The following MASP2 variants were observed in gnomAD, a reference collection of about 807,000 sequenced individuals.
MASP2 encodes mannan-binding lectin serine protease 2.
In MASP2, 49 loss-of-function variants were observed where a neutral mutation model predicts 57.1. That is an observed-to-expected ratio of 0.86 (90% CI 0.68 to 1.09). MASP2 has a LOEUF of 1.09. Among genes scored for constraint, MASP2 ranks in the 50% least tolerant of loss-of-function variants. MASP2 has a pLI of 0.00. For synonymous variants in MASP2, 379 were observed against 340.8 expected (o/e 1.11, Z -1.24); for missense variants, 900 against 874.8 (o/e 1.03, Z -0.36).
Position 11,046,960 on chromosome 1 carries a change from G to A in MASP2, c.165C>T (p.Tyr55=), listed in dbSNP as rs1460922742. ...AGTGGGTGAAGTAGAGGCGCAGGCG[G>A]TAGCCGGGGGGTGCAGTCAGGGTCC... ...RRWTLTAPPG[Y]RLRLYFTHFD... The change falls in exon 2 of 11, where the codon TAC becomes TAT. Residue 55 remains tyrosine (Y), a synonymous_variant. Coordinates refer to ENST00000400897, the MANE Select transcript of MASP2 (RefSeq NM_006610.4). The A allele has an allele frequency of 8.9e-6, 14 of 1,565,120 alleles. No individual in the cohort carries two copies. Among genetic ancestry groups the A allele is most frequent in the Non-Finnish European group, 1.0e-5 (12 of 1,154,534 alleles).
In MASP2 at chr1:11,026,877, C is replaced by G. The variant is rs748635006; in HGVS notation, c.*8G>C. On this transcript the variant is annotated 3_prime_UTR_variant, in exon 11 of 11. Transcript: ENST00000400897. ...AAAATGAAGAATCCTTGACTGCAGA[C>G]ACGCAAGTTAAAAATCACTAATTAT... 1 of 1,473,820 alleles carries G rather than the reference C, an allele frequency of 6.8e-7. No individual in the cohort carries two copies. The highest frequency in any genetic ancestry group is 1.5e-5 in the South Asian group (1 of 65,798). The allele number at this position is 1,473,820 out of a possible 1,614,324, so 91.3% of individuals were successfully genotyped here. A position where few individuals can be genotyped will look rare whatever the true frequency, so the allele number is the denominator to read the frequency against.
At chr1:11,031,914 C>T (rs958033185) in intron 8 of MASP2, among the ~76,000 whole-genome samples, 3 of 151,980 alleles carry the variant, frequency 2.0e-5, no homozygotes, top group Admixed American at 2.0e-4. Context: ...GTCTCCAAAA[C>T]AAAAAATTCA....
intron 10 of MASP2, among the ~76,000 whole-genome samples, chr1:11,028,802 C>T (rs377076772): frequency 2.0e-5 from 3 of 150,890 alleles, no homozygotes; most frequent in African/African-American, 4.9e-5. Flanking sequence ...CAAGCTCTGC[C>T]TCCCAGGTTC....
chr1:11,047,188 T>C lies in MASP2; in HGVS notation c.5+15A>G. ...CACCCCACACCCTGCAGGGAGGCTG[T>C]GGGCGCCCACCTACCTCATGGTGTG... On this transcript the variant is annotated intron_variant, in intron 1 of 10. Transcript: ENST00000400897. 1 of 1,561,238 alleles carries C rather than the reference T, an allele frequency of 6.4e-7. No homozygotes were observed. Among genetic ancestry groups the C allele is most frequent in the Non-Finnish European group, 8.7e-7 (1 of 1,154,930 alleles).
chr1:11,029,466 T>C (rs781682055), intron 10 of MASP2, among the ~76,000 whole-genome samples: 13 of 151,674 alleles, frequency 8.6e-5, no homozygotes, highest in Non-Finnish European at 1.5e-4. Context: ...AAAAAAAAAG[T>C]ACTATTAAAA....
intron 10 of MASP2, chr1:11,029,879 C>G (rs1643812923): frequency 1.5e-5 from 3 of 199,924 alleles, no homozygotes; most frequent in Non-Finnish European, 2.0e-5. Flanking sequence ...CTGCCTCGGC[C>G]TCCCAAAGTG....
At chr1:11,033,941 ACACACACACACACACACACACACACTCT>A (rs1321080334) in intron 8 of MASP2, among the ~76,000 whole-genome samples, 28 of 45,576 alleles carry the variant, frequency 6.1e-4, no homozygotes, top group Admixed American at 5.7e-3. Flanking sequence ...ACACACACAC[ACACACACACACACACACACACACACTCT>A]CTCTCTCTCT....
intron 9 of MASP2, 167 bp downstream of exon 9, chr1:11,030,581 T>G (rs1643827382): frequency 2.8e-6 from 2 of 722,278 alleles, no homozygotes; most frequent in Non-Finnish European, 4.3e-6. Flanking sequence ...TTTTGCAAAT[T>G]GACATTAAAG....
chr1:11,043,639 G>GCAGA, intron 4 of MASP2, 104 bp from the exon 5 acceptor site: 1 of 792,236 alleles, frequency 1.3e-6, no homozygotes, highest in Non-Finnish European at 2.0e-6. Flanking sequence ...GGACAGGGAT[G>GCAGA]TGGCTGGGAC....
chr1:11,044,771 C>CCAA, intron 4 of MASP2: 1 of 1,152,852 alleles, frequency 8.7e-7, no homozygotes, highest in Non-Finnish European at 1.2e-6. Flanking sequence ...TCCCGACCCT[C>CCAA]CCACCCCAGA....
chr1:11,027,211 C>G lies in MASP2; in HGVS notation c.1735G>C (p.Gly579Arg). The G allele has an allele frequency of 6.2e-7, 1 of 1,614,058 alleles. No homozygotes were observed. Residue 579 changes from glycine (G) to arginine (R), a missense_variant, in exon 11 of 11, where the codon GGT becomes CGT. Transcript: ENST00000400897. ...TASGWGLTQR[G>R]FLARNLMYVD... ...TACATTAGATTTCTAGCAAGAAAACCCCTTTGGGTTAATCCCCATCCAGAT... is the reference window on the plus strand; with the variant it reads ...TACATTAGATTTCTAGCAAGAAAACGCCTTTGGGTTAATCCCCATCCAGAT...
chr1:11,036,509 TCAAAAAAAAAAAAAAAAAAAAAAAAAAA>T (rs1638235784), intron 7 of MASP2, among the ~76,000 whole-genome samples: 1 of 13,072 alleles, frequency 7.6e-5, no homozygotes, highest in South Asian at 5.3e-3. Flanking sequence ...AGACTCCGTC[TCAAAAAAAAAAAAAAAAAAAAAAAAAAA>T]CAAAAAAAAA....
chr1:11,045,332 G>A, intron 4 of MASP2, 76 bp downstream of exon 4: 1 of 1,601,938 alleles, frequency 6.2e-7, no homozygotes, highest in Non-Finnish European at 8.5e-7. Flanking sequence ...GCACCCCTGG[G>A]CAGAGCAGCA....
rs1643875569 is a variant in MASP2, at chr1:11,034,738, A to C, written c.1087+90T>G. 4.6e-6 allele frequency: 4 copies of C among 864,458 alleles called. No individual in the cohort carries two copies. In the East Asian group the frequency reaches 1.1e-4, roughly 24 times the overall value. 53.5% of individuals were successfully genotyped at this position (864,458 alleles called of 1,614,324 possible). A position where few individuals can be genotyped will look rare whatever the true frequency, so the allele number is the denominator to read the frequency against. ...AAGGGAAAGAAAAAAGAAAGTAAAC[A>C]GAAAACCAGAGAAGCAATAGAAGCA... On this transcript the variant is annotated intron_variant, in intron 8 of 10. Coordinates refer to ENST00000400897, the MANE Select transcript of MASP2 (RefSeq NM_006610.4).
chr1:11,043,925 G>C (rs748938100), intron 4 of MASP2, among the ~76,000 whole-genome samples: 6 of 147,832 alleles, frequency 4.1e-5, no homozygotes, highest in Non-Finnish European at 6.0e-5. Flanking sequence ...GGGGGGCGGG[G>C]GTGGATGGAC....
rs1484823398 is a variant in MASP2, at chr1:11,046,718, T to C, written c.250A>G (p.Lys84Glu). ...TGCCCGCACAGCGTGGCCAGCACCTTGGCCCCCGAGCTCAGCTGTGGGGTC... is the reference window on the plus strand; with the variant it reads ...TGCCCGCACAGCGTGGCCAGCACCTCGGCCCCCGAGCTCAGCTGTGGGGTC... ...YDFVKLSSGAKVLATLCGQES... is the reference protein window; with the variant it reads ...YDFVKLSSGAEVLATLCGQES... Residue 84 changes from lysine to glutamate, a missense_variant, in exon 3 of 11, where the codon AAG (lysine) becomes GAG (glutamate). By Grantham distance (56) the Lys-to-Glu change is moderately conservative. Coordinates refer to ENST00000400897, the MANE Select transcript of MASP2 (RefSeq NM_006610.4). The C allele has an allele frequency of 6.2e-7, 1 of 1,612,708 alleles. No homozygotes were observed. The highest frequency in any genetic ancestry group is 1.7e-5 in the Admixed American group (1 of 59,990).
In MASP2 at chr1:11,027,117, C is replaced by G; in HGVS notation, c.1829G>C (p.Gly610Ala). 6.2e-7 allele frequency: 1 copy of G among 1,610,718 alleles called. No homozygotes were observed. The highest frequency in any genetic ancestry group is 8.5e-7 in the Non-Finnish European group (1 of 1,178,200). The change falls in exon 11 of 11, where the codon GGA (glycine) becomes GCA (alanine). Residue 610 changes from glycine (G) to alanine (A), a missense_variant. Transcript: ENST00000400897. ...ACAAAGCATGTTAGCAGTTACACTT[C>G]CCCTTGGATAGGGTGGCTTTTCATA... ...AAYEKPPYPR[G>A]SVTANMLCAG... is the part of the protein sequence containing the mutation.
In MASP2 at chr1:11,028,648, A is replaced by G. The variant is rs552861316; in HGVS notation, c.1298-1000T>C. The stretch of plus-strand genomic sequence containing the variant: ...GCCAAATACAGGTTTAAAAAAACTA[A>G]TTTGAGCCAAATAACACAAGGGTAA... On this transcript the variant is annotated intron_variant, in intron 10 of 10. Transcript: ENST00000400897. 1.7e-3 allele frequency among the ~76,000 whole-genome samples: 264 copies of G among 151,920 alleles called. 1 individual carries two copies. The highest frequency in any genetic ancestry group is 2.8e-3 in the Non-Finnish European group (190 of 67,994).
At chr1:11,041,769 AATGGG>A (rs1321369406) in intron 6 of MASP2, among the ~76,000 whole-genome samples, 201 of 2,526 alleles carry the variant, frequency 0.08, no homozygotes, top group Middle Eastern at 0.1. Context: ...TGGATGGAAG[AATGGG>A]TGGATGGATG....
Sources: gnomAD v4.1 joint callset for allele counts (sites outside exome capture counted in the v4.1 genomes callset) on GRCh38, gnomAD v4.1.1 for gene constraint, MANE v1.5 for transcripts, NCBI Gene and HGNC (gene_info 2026-07-23, HGNC 2026-07-21) for gene names.